The following SEMA6A variants were observed in gnomAD, a reference collection of about 807,000 sequenced individuals.
The protein encoded by SEMA6A is semaphorin 6A.
SEMA6A carries 25 observed loss-of-function variants against 96.8 expected under a neutral mutation model. The ratio of observed to expected loss-of-function variants is 0.26; its 90% confidence interval spans 0.19 to 0.36. The LOEUF (loss-of-function observed/expected upper bound fraction) is 0.36. Among genes scored for constraint, SEMA6A ranks in the 10% least tolerant of loss-of-function variants. The pLI, the probability that SEMA6A is intolerant of heterozygous loss-of-function variation, is 1.00. For synonymous variants in SEMA6A, 612 were observed against 518.0 expected, an observed-to-expected ratio of 1.18 and a Z score of -2.46; for missense variants, 1,363 against 1,323.1, an observed-to-expected ratio of 1.03 and a Z score of -0.47.
chr5:116,526,134 C>T (rs1759213239), intron 1 of SEMA6A, among the ~76,000 whole-genome samples: 1 of 150,970 alleles, frequency 6.6e-6, no homozygotes, highest in Admixed American at 6.6e-5. Context: ...TGCCTTTTCC[C>T]CCCTTCTTTT....
At chr5:116,500,197 G>C (rs1757803688) in intron 3 of SEMA6A, among the ~76,000 whole-genome samples, 1 of 152,142 alleles carries the variant, frequency 6.6e-6, no homozygotes, top group Admixed American at 6.5e-5. Flanking sequence ...CCATGTTCTT[G>C]GGCAACAGCT....
chr5:116,519,664 TACACACACACAC>T (rs72233200), intron 1 of SEMA6A, among the ~76,000 whole-genome samples: 1 of 146,934 alleles, frequency 6.8e-6, no homozygotes, highest in Non-Finnish European at 1.5e-5. Context: ...ATGCTGTGTG[TACACACACACAC>T]ACACACACAC....
chr5:116,490,365 G>T (rs1347399996), intron 7 of SEMA6A, among the ~76,000 whole-genome samples: 2 of 152,054 alleles, frequency 1.3e-5, no homozygotes, highest in Admixed American at 6.6e-5. Context: ...GCCTCCTACA[G>T]TGCTGGGATT....
At chr5:116,493,745 T>A (rs1173003016) in intron 6 of SEMA6A, among the ~76,000 whole-genome samples, 1 of 152,182 alleles carries the variant, frequency 6.6e-6, no homozygotes, top group Non-Finnish European at 1.5e-5. Context: ...CAGCCTATCA[T>A]TGCTTTTCTC....
chr5:116,528,457 AG>A (rs1759324181), intron 1 of SEMA6A, among the ~76,000 whole-genome samples: 1 of 152,196 alleles, frequency 6.6e-6, no homozygotes, highest in Non-Finnish European at 1.5e-5. Flanking sequence ...GAGCCAGCTC[AG>A]GTAAATTAAC....
intron 1 of SEMA6A, among the ~76,000 whole-genome samples, chr5:116,521,872 T>C (rs1167391045): frequency 6.6e-6 from 1 of 152,206 alleles, no homozygotes; most frequent in Non-Finnish European, 1.5e-5. Context: ...TTAGTTGTTA[T>C]ACACCAGAAA....
At chr5:116,495,806 G>T in intron 5 of SEMA6A, 1 of 382,154 alleles carries the variant, frequency 2.6e-6, no homozygotes, top group Middle Eastern at 7.8e-4. Flanking sequence ...TAATTTTAAT[G>T]CCAGATGCTC....
intron 1 of SEMA6A, among the ~76,000 whole-genome samples, chr5:116,523,457 A>T (rs1580471834): frequency 6.6e-6 from 1 of 152,102 alleles, no homozygotes; most frequent in South Asian, 2.1e-4. Context: ...GACTACAGGC[A>T]CGCGCCACCA....
chr5:116,506,449 A>G (rs1758149602), intron 1 of SEMA6A, among the ~76,000 whole-genome samples: 1 of 152,224 alleles, frequency 6.6e-6, no homozygotes, highest in South Asian at 2.1e-4. Flanking sequence ...ATGAAGAGAC[A>G]TAAACATGTA....
intron 3 of SEMA6A, among the ~76,000 whole-genome samples, chr5:116,498,249 T>C (rs200544290): frequency 1.3e-5 from 2 of 152,180 alleles, no homozygotes; most frequent in East Asian, 3.9e-4. Flanking sequence ...TGAAATAACA[T>C]TGACTTTCTC....
At chr5:116,549,217 TA>T (rs1211673058) in intron 1 of SEMA6A, among the ~76,000 whole-genome samples, 2 of 152,172 alleles carry the variant, frequency 1.3e-5, no homozygotes, top group African/African-American at 2.4e-5. Flanking sequence ...GGCCTGAATC[TA>T]GAAATAAAAA....
intron 2 of SEMA6A, chr5:116,502,675 G>A (rs1012241193): frequency 1.5e-5 from 3 of 202,858 alleles, no homozygotes; most frequent in Non-Finnish European, 3.0e-5. Flanking sequence ...CTTCTGTAGA[G>A]CTAAGCCTGA....
chr5:116,557,426 T>C (rs1760651133), intron 1 of SEMA6A, among the ~76,000 whole-genome samples: 1 of 152,194 alleles, frequency 6.6e-6, no homozygotes, highest in South Asian at 2.1e-4. Flanking sequence ...TGCCCAGGCT[T>C]GTCTCAAACT....
At chr5:116,517,965 G>A (rs958130356) in intron 1 of SEMA6A, among the ~76,000 whole-genome samples, 2 of 152,158 alleles carry the variant, frequency 1.3e-5, no homozygotes, top group Non-Finnish European at 2.9e-5. Flanking sequence ...GCCTGGTCAC[G>A]GCATTTTCCA....
Position 116,445,507 on chromosome 5 carries a change from A to G in SEMA6A, c.*1106T>C, listed in dbSNP as rs1754122597. 1 of 152,644 alleles carries G rather than the reference A, an allele frequency of 6.6e-6. No homozygotes were observed. The highest frequency in any genetic ancestry group is 2.4e-5 in the African/African-American group (1 of 41,466). The allele number at this position is 152,644 out of a possible 1,614,324, so 9.5% of individuals were successfully genotyped here. Reference sequence around the variant, plus strand: ...CCTTCACAGAAAGTCAGAACCATGGACAAAACCATGTTGGCATCAATGAGA... The same window carrying G: ...CCTTCACAGAAAGTCAGAACCATGGGCAAAACCATGTTGGCATCAATGAGA... On this transcript the variant is annotated 3_prime_UTR_variant, in exon 19 of 19. Transcript: ENST00000343348.
At chr5:116,542,006 G>A (rs1158511158) in intron 1 of SEMA6A, among the ~76,000 whole-genome samples, 2 of 152,184 alleles carry the variant, frequency 1.3e-5, no homozygotes, top group Non-Finnish European at 2.9e-5. Flanking sequence ...TACATTGGTA[G>A]TGCCCATTCA....
intron 12 of SEMA6A, 46 bp downstream of exon 12, chr5:116,480,076 G>C: frequency 6.2e-7 from 1 of 1,603,248 alleles, no homozygotes; most frequent in Non-Finnish European, 8.5e-7. Flanking sequence ...TCCGACATGA[G>C]ATGAAGTTAG....
At chr5:116,506,631 A>G (rs1234663676) in intron 1 of SEMA6A, among the ~76,000 whole-genome samples, 1 of 152,014 alleles carries the variant, frequency 6.6e-6, no homozygotes. Context: ...AAAGTAAAAC[A>G]TAAACAAGAC....
chr5:116,470,373 C>T (rs1178689287), intron 17 of SEMA6A, among the ~76,000 whole-genome samples: 18 of 152,220 alleles, frequency 1.2e-4, no homozygotes, highest in Middle Eastern at 3.4e-3. Context: ...ATATTTTTGT[C>T]TTATCAGTCC....
Sources: allele counts gnomAD v4.1 joint callset (sites outside exome capture counted in the v4.1 genomes callset), GRCh38; gene constraint gnomAD v4.1.1; transcripts MANE v1.5; gene names NCBI Gene and HGNC (gene_info 2026-07-23, HGNC 2026-07-21).